Variants in TFG observed in about 807,000 individuals in gnomAD.
TFG encodes the protein trafficking from ER to golgi regulator, also known as protein TFG.
TFG carries 22 observed loss-of-function variants against 51.4 expected under a neutral mutation model. The observed-to-expected ratio is 0.43, with a 90% CI of 0.31 to 0.61. TFG has a LOEUF of 0.61. TFG is among the 20% of genes least tolerant of loss of function. The probability of loss-of-function intolerance (pLI) is 0.12; values close to 1 mark genes in which losing one functional copy is unlikely to be tolerated. For synonymous variants in TFG, 187 were observed against 165.6 expected (o/e 1.13, Z -0.99); for missense variants, 419 against 487.7 (o/e 0.86, Z 1.33).
intron 3 of TFG, among the ~76,000 whole-genome samples, chr3:100,723,648 A>G (rs935744465): frequency 1.3e-5 from 2 of 152,202 alleles, no homozygotes. Context: ...TGATAAAAAG[A>G]ATAATTCACT....
intron 3 of TFG, among the ~76,000 whole-genome samples, chr3:100,728,350 ATTAAAT>A (rs1470427571): frequency 1.5e-5 from 2 of 132,302 alleles, no homozygotes; most frequent in African/African-American, 5.1e-5. Context: ...AATAATTTCT[ATTAAAT>A]TTAATAAATA....
At chr3:100,728,648 G>C in intron 3 of TFG, 64 bp from the exon 4 acceptor site, 1 of 1,234,534 alleles carries the variant, frequency 8.1e-7, no homozygotes, top group Non-Finnish European at 1.1e-6. Context: ...TTTCCTTGTT[G>C]CATATTATTA....
At chr3:100,717,991 C>G (rs2095050891) in intron 2 of TFG, among the ~76,000 whole-genome samples, 2 of 152,110 alleles carry the variant, frequency 1.3e-5, no homozygotes, top group South Asian at 4.1e-4. Flanking sequence ...GTGGTGTGAT[C>G]ATGGCTCATT....
At chr3:100,724,601 T>C (rs2095069793) in intron 3 of TFG, among the ~76,000 whole-genome samples, 1 of 152,196 alleles carries the variant, frequency 6.6e-6, no homozygotes, top group Admixed American at 6.5e-5. Flanking sequence ...TATACACTAA[T>C]TCATTTTGTG....
At chr3:100,717,105 T>G (rs1214403315) in intron 2 of TFG, among the ~76,000 whole-genome samples, 1 of 152,220 alleles carries the variant, frequency 6.6e-6, no homozygotes, top group Non-Finnish European at 1.5e-5. Context: ...CATGAAATCT[T>G]TTCCCGACCT....
intron 4 of TFG, 40 bp downstream of exon 4, chr3:100,728,898 A>T (rs2095083542): frequency 6.6e-7 from 1 of 1,509,794 alleles, no homozygotes; most frequent in Non-Finnish European, 8.9e-7. Context: ...TATTGTTCTT[A>T]CGTCTTTTTG....
chr3:100,740,820 A>AT (rs2095119261), intron 6 of TFG, among the ~76,000 whole-genome samples: 1 of 151,904 alleles, frequency 6.6e-6, no homozygotes, highest in Non-Finnish European at 1.5e-5. Context: ...TCTGTCATTG[A>AT]TTCTTTTTGA....
intron 3 of TFG, among the ~76,000 whole-genome samples, chr3:100,728,009 GT>G (rs2095080655): frequency 6.6e-6 from 1 of 151,966 alleles, no homozygotes; most frequent in Admixed American, 6.6e-5. Flanking sequence ...ATTTTTTAAG[GT>G]TTTTGTAGAG....
intron 3 of TFG, among the ~76,000 whole-genome samples, chr3:100,726,729 A>T (rs949602013): frequency 2.6e-5 from 4 of 152,176 alleles, no homozygotes; most frequent in African/African-American, 9.7e-5. Flanking sequence ...GAGAATGAAT[A>T]CCACGGAGAA....
chr3:100,732,244 T>G (rs936384847), intron 4 of TFG, among the ~76,000 whole-genome samples: 8 of 152,206 alleles, frequency 5.3e-5, no homozygotes, highest in African/African-American at 1.9e-4. Context: ...TTTTTTCATC[T>G]AATGTTTCTT....
intron 6 of TFG, among the ~76,000 whole-genome samples, chr3:100,737,496 AG>A (rs1208004489): frequency 3.3e-5 from 5 of 152,238 alleles, no homozygotes; most frequent in African/African-American, 1.2e-4. Context: ...ACTAATCTCT[AG>A]GGTGCCTTCC....
In TFG at chr3:100,748,438, C is replaced by T; in HGVS notation, c.1110C>T (p.Thr370=). The T allele has an allele frequency of 6.2e-7, 1 of 1,614,110 alleles. No homozygotes were observed. The highest frequency in any genetic ancestry group is 1.1e-5 in the South Asian group (1 of 91,080). ...GTTTTACTTCACTTCCTGGAAGTACCATGACCCCTCCTCCAAGTGGGCCTA... is the reference window on the plus strand; with the variant it reads ...GTTTTACTTCACTTCCTGGAAGTACTATGACCCCTCCTCCAAGTGGGCCTA... ...RPGFTSLPGS[T]MTPPPSGPNP... Residue 370 remains threonine, a synonymous_variant, in exon 8 of 8, where the codon ACC becomes ACT. Coordinates refer to ENST00000240851, the MANE Select transcript of TFG (RefSeq NM_006070.6).
chr3:100,732,671 A>G lies in TFG; in HGVS notation c.579A>G (p.Ser193=), dbSNP rs1301006028. The G allele has an allele frequency of 6.2e-7, 1 of 1,606,330 alleles. No individual in the cohort carries two copies. The highest frequency in any genetic ancestry group is 1.1e-5 in the South Asian group (1 of 89,686). Residue 193 remains serine (S), a splice_region_variant and synonymous_variant, in exon 5 of 8, where the codon TCA becomes TCG. Coordinates refer to ENST00000240851, the MANE Select transcript of TFG (RefSeq NM_006070.6). ...SAFGLTDDQV[S]GPPSAPAEDR... ...TTGGCTTAACAGATGATCAGGTTTC[A>G]GGTAAGTTGGTTTCCAACTCCTTTA... is the stretch of plus-strand genomic sequence containing the variant.
At chr3:100,739,627 A>C (rs750194417) in intron 6 of TFG, among the ~76,000 whole-genome samples, 1 of 152,196 alleles carries the variant, frequency 6.6e-6, no homozygotes, top group Non-Finnish European at 1.5e-5. Flanking sequence ...TATTATGTAA[A>C]TATTGAAACA....
intron 4 of TFG, among the ~76,000 whole-genome samples, chr3:100,729,989 A>G (rs2095087090): frequency 6.6e-6 from 1 of 152,190 alleles, no homozygotes; most frequent in Non-Finnish European, 1.5e-5. Context: ...TCACTTTATG[A>G]TGAAACCTTT....
At chr3:100,714,393 C>T (rs998086945) in intron 2 of TFG, among the ~76,000 whole-genome samples, 8 of 151,872 alleles carry the variant, frequency 5.3e-5, no homozygotes, top group Non-Finnish European at 8.8e-5. Context: ...CCCAACTACT[C>T]GGGAGGATGA....
chr3:100,736,502 C>A, intron 5 of TFG, 74 bp from the exon 6 acceptor site: 2 of 1,534,110 alleles, frequency 1.3e-6, no homozygotes, highest in Non-Finnish European at 1.8e-6. Flanking sequence ...ATCTTTTAAC[C>A]AAACTTATTC....
chr3:100,725,433 A>G (rs2095072428), intron 3 of TFG, among the ~76,000 whole-genome samples: 2 of 151,830 alleles, frequency 1.3e-5, no homozygotes. Flanking sequence ...GGGAGATTTA[A>G]TTATGTCTAT....
chr3:100,718,532 C>T (rs957183821), intron 2 of TFG, among the ~76,000 whole-genome samples: 1 of 139,022 alleles, frequency 7.2e-6, no homozygotes, highest in South Asian at 2.4e-4. Context: ...CATTTAGTTA[C>T]AACTTTGTAT....
Sources: gnomAD v4.1 joint callset for allele counts (sites outside exome capture counted in the v4.1 genomes callset) on GRCh38, gnomAD v4.1.1 for gene constraint, MANE v1.5 for transcripts, NCBI Gene and HGNC (gene_info 2026-07-23, HGNC 2026-07-21) for gene names.